Variants in RAP1GAP observed in about 807,000 individuals in gnomAD.
The protein encoded by RAP1GAP is RAP1 GTPase activating protein.
Under a neutral mutation model 87.2 loss-of-function variants are expected in RAP1GAP, and 35 were observed. The ratio of observed to expected loss-of-function variants is 0.40; its 90% confidence interval spans 0.31 to 0.53. The LOEUF (loss-of-function observed/expected upper bound fraction) is 0.53. RAP1GAP is among the 20% of genes least tolerant of loss of function. The probability of loss-of-function intolerance (pLI) is 0.48; values close to 1 mark genes in which losing one functional copy is unlikely to be tolerated. For missense variants in RAP1GAP, 734 were observed against 898.9 expected (o/e 0.82, Z 2.35); for synonymous variants, 375 against 363.9 (o/e 1.03, Z -0.35).
intron 18 of RAP1GAP, among the ~76,000 whole-genome samples, chr1:21,604,111 A>G (rs1178329691): frequency 6.6e-6 from 1 of 151,960 alleles, no homozygotes; most frequent in African/African-American, 2.4e-5. Flanking sequence ...ACAAGGAGAG[A>G]CAGAGGACAA....
intron 13 of RAP1GAP, among the ~76,000 whole-genome samples, chr1:21,611,053 C>T (rs932240717): frequency 6.6e-6 from 1 of 152,110 alleles, no homozygotes; most frequent in Non-Finnish European, 1.5e-5. Flanking sequence ...CTTCCTTCTC[C>T]CAGCTCCTTC....
intron 2 of RAP1GAP, among the ~76,000 whole-genome samples, chr1:21,647,941 G>A (rs764809012): frequency 6.6e-6 from 1 of 152,184 alleles, no homozygotes; most frequent in Non-Finnish European, 1.5e-5. Context: ...CACAGAGCAC[G>A]GGAGAAGCAA....
chr1:21,653,594 C>CCTT (rs1558897559), intron 1 of RAP1GAP, among the ~76,000 whole-genome samples: 4,441 of 80,384 alleles, frequency 0.055, 85 homozygotes, highest in Non-Finnish European at 0.067. Flanking sequence ...CTTCCTTCCT[C>CCTT]CCTCCCTCCC....
chr1:21,611,618 A>G, intron 12 of RAP1GAP, 37 bp from the exon 13 acceptor site: 2 of 1,613,808 alleles, frequency 1.2e-6, no homozygotes, highest in Non-Finnish European at 1.7e-6. Context: ...CTCAGTCTCC[A>G]GCCCTGGCCA....
chr1:21,629,536 GT>G (rs1241581310), intron 2 of RAP1GAP, among the ~76,000 whole-genome samples: 1 of 152,146 alleles, frequency 6.6e-6, no homozygotes, highest in East Asian at 1.9e-4. Context: ...CCACAGTCCT[GT>G]CCCCCGAAGG....
chr1:21,600,353 C>T (rs948081433), intron 20 of RAP1GAP, among the ~76,000 whole-genome samples: 2 of 152,192 alleles, frequency 1.3e-5, no homozygotes, highest in African/African-American at 2.4e-5. Flanking sequence ...CCTTTCCTGC[C>T]TCTCTGTTCA....
intron 20 of RAP1GAP, 58 bp from the exon 21 acceptor site, chr1:21,599,675 C>T (rs536436816): frequency 4.5e-6 from 7 of 1,566,250 alleles, no homozygotes; most frequent in East Asian, 2.3e-5. Context: ...CTGGGCCAGG[C>T]CCTCACTCCC....
Position 21,609,975 on chromosome 1 carries a change from G to A in RAP1GAP, c.999+145C>T, listed in dbSNP as rs752380419. 137 of 1,021,500 alleles carry A rather than the reference G, an allele frequency of 1.3e-4. No homozygotes were observed. The highest frequency in any genetic ancestry group is 1.7e-4 in the Non-Finnish European group (125 of 719,514). The allele number at this position is 1,021,500 out of a possible 1,614,324, so 63.3% of individuals were successfully genotyped here. On this transcript the variant is annotated intron_variant, in intron 14 of 24. Transcript: ENST00000374765. This position sits in a 1 kb window ranked among gnomAD's most constrained non-coding sequence, Gnocchi z 4.4. ...GTGAGCTTTGGGGACGACAGGGGGC[G>A]TGGTGTGAACAGTGCACCATTGAAG... is the stretch of plus-strand genomic sequence containing the variant.
intron 2 of RAP1GAP, 37 bp downstream of exon 2, chr1:21,649,724 G>C: frequency 6.5e-7 from 1 of 1,548,016 alleles, no homozygotes; most frequent in Non-Finnish European, 8.7e-7. Context: ...GACCAGCCAA[G>C]GAAACCCAGG....
intron 2 of RAP1GAP, among the ~76,000 whole-genome samples, chr1:21,646,814 A>G (rs1201279454): frequency 3.3e-5 from 5 of 152,028 alleles, no homozygotes; most frequent in South Asian, 2.1e-4. Flanking sequence ...CTGGCTCCCA[A>G]CCCTCACACT....
intron 2 of RAP1GAP, among the ~76,000 whole-genome samples, chr1:21,635,370 C>T (rs1276222613): frequency 6.6e-6 from 1 of 152,210 alleles, no homozygotes; most frequent in South Asian, 2.1e-4. Context: ...CATCTACCCA[C>T]TCCCCCATCT....
Position 21,634,627 on chromosome 1 carries a change from C to T in RAP1GAP, c.-112-8230G>A. ...ACCCTCGCCCCATGCTGGCTGCATGCCGAGACACCCGGATCCCGGAGCTGG... is the reference window on the plus strand; with the variant it reads ...ACCCTCGCCCCATGCTGGCTGCATGTCGAGACACCCGGATCCCGGAGCTGG... On this transcript the variant is annotated intron_variant, in intron 2 of 24. Transcript: ENST00000374765. This position sits in a 1 kb window ranked among gnomAD's most constrained non-coding sequence, Gnocchi z 4.1. 1 of 218,632 alleles carries T rather than the reference C, an allele frequency of 4.6e-6. No individual in the cohort carries two copies. Among genetic ancestry groups the T allele is most frequent in the Non-Finnish European group, 1.1e-5 (1 of 95,026 alleles). 13.5% of individuals were successfully genotyped at this position (218,632 alleles called of 1,614,324 possible).
At chr1:21,610,337 G>A (rs1558663395) in intron 13 of RAP1GAP, 62 bp from the exon 14 acceptor site, 2 of 1,583,624 alleles carry the variant, frequency 1.3e-6, no homozygotes, top group Non-Finnish European at 1.7e-6. Flanking sequence ...GGAGAGGGGT[G>A]CCCACGGGGG....
intron 20 of RAP1GAP, among the ~76,000 whole-genome samples, chr1:21,601,022 C>CCT (rs2067951127): frequency 7.0e-6 from 1 of 141,864 alleles, no homozygotes; most frequent in South Asian, 2.3e-4. Flanking sequence ...CTCAGATACT[C>CCT]TTTTTTTTTT....
intron 15 of RAP1GAP, 38 bp from the exon 16 acceptor site, chr1:21,608,974 G>C: frequency 6.5e-7 from 1 of 1,549,416 alleles, no homozygotes. Context: ...AGGAAGGGAA[G>C]TTGAGATGAC....
intron 1 of RAP1GAP, among the ~76,000 whole-genome samples, chr1:21,655,538 C>T (rs1011714519): frequency 1.3e-5 from 2 of 152,254 alleles, no homozygotes; most frequent in African/African-American, 2.4e-5. Context: ...GCAGTCAGCA[C>T]GGGGTGCTTG....
In RAP1GAP at chr1:21,627,163, C is replaced by T. The variant is rs575289178; in HGVS notation, c.-112-766G>A. Among the ~76,000 whole-genome samples, 613 of 152,324 alleles carry T rather than the reference C, an allele frequency of 4.0e-3. 3 individuals carry two copies. The highest frequency in any genetic ancestry group is 6.8e-3 in the Non-Finnish European group (463 of 68,022). On this transcript the variant is annotated intron_variant, in intron 2 of 24. Transcript: ENST00000374765. Reference sequence around the variant, plus strand: ...GGGAGAGGAAATGCCCAGTGGTTCCCGGGATCCTGGGGCTGGGCAAGCAGG... The same window carrying T: ...GGGAGAGGAAATGCCCAGTGGTTCCTGGGATCCTGGGGCTGGGCAAGCAGG...
chr1:21,660,889 TC>T (rs1043028402), intron 1 of RAP1GAP, among the ~76,000 whole-genome samples: 7 of 151,870 alleles, frequency 4.6e-5, no homozygotes, highest in African/African-American at 1.7e-4. Flanking sequence ...CAGGGGTAAA[TC>T]AGGTGGGCAG....
chr1:21,652,197 G>C (rs1054438850), intron 1 of RAP1GAP, among the ~76,000 whole-genome samples: 2 of 143,946 alleles, frequency 1.4e-5, no homozygotes, highest in African/African-American at 5.2e-5. Context: ...CGCGCTCCTC[G>C]GCGGATCCGT....
Sources: allele counts gnomAD v4.1 joint callset (sites outside exome capture counted in the v4.1 genomes callset), GRCh38; gene constraint gnomAD v4.1.1; non-coding constraint Gnocchi (gnomAD v3.1); transcripts MANE v1.5; gene names NCBI Gene and HGNC (gene_info 2026-07-23, HGNC 2026-07-21).